The following FDFT1 variants were observed in gnomAD, a reference collection of about 807,000 sequenced individuals.
The protein encoded by FDFT1 is farnesyl-diphosphate farnesyltransferase 1, also known as squalene synthase.
FDFT1 carries 68 observed loss-of-function variants against 46.8 expected under a neutral mutation model. The observed-to-expected ratio is 1.45, with a 90% CI of 1.19 to 1.78. FDFT1 has a LOEUF of 1.78. Among genes scored for constraint, FDFT1 ranks in the 40% most tolerant of loss-of-function variants. The pLI is 0.00. For missense variants in FDFT1, 928 were observed against 524.4 expected (o/e 1.77, Z -7.52); for synonymous variants, 351 against 185.1 (o/e 1.90, Z -7.28).
At chr8:11,831,347 G>T (rs1260682473) in intron 6 of FDFT1, among the ~76,000 whole-genome samples, 171 bp from the exon 7 acceptor site, 1 of 152,198 alleles carries the variant, frequency 6.6e-6, no homozygotes, top group African/African-American at 2.4e-5. Flanking sequence ...AGTGGGGAAG[G>T]TAAAAATCTT....
At chr8:11,825,973 A>T in intron 4 of FDFT1, 51 bp from the exon 5 acceptor site, 1 of 1,362,182 alleles carries the variant, frequency 7.3e-7, no homozygotes, top group Non-Finnish European at 1.0e-6. Flanking sequence ...TAGTGTGTCC[A>T]TTTCAGTAAA....
At chr8:11,802,461 C>G (rs773331361), upstream of FDFT1, 3 of 467,538 alleles carry the variant, frequency 6.4e-6, no homozygotes, top group South Asian at 1.5e-5. Flanking sequence ...CCGGGGTAAG[C>G]GGAAGAAAAC....
At chr8:11,807,088 C>G (rs1806950344) in intron 1 of FDFT1, among the ~76,000 whole-genome samples, 1 of 110,014 alleles carries the variant, frequency 9.1e-6, no homozygotes, top group Admixed American at 1.0e-4. Flanking sequence ...TGTTACCATT[C>G]TGAAGTGACT....
chr8:11,809,050 C>T (rs748703754), intron 2 of FDFT1, 159 bp downstream of exon 2: 207 of 1,342,518 alleles, frequency 1.5e-4, no homozygotes, highest in Non-Finnish European at 2.0e-4. Context: ...TTTAGAAAGC[C>T]CTTCCAGGCT....
intron 3 of FDFT1, among the ~76,000 whole-genome samples, chr8:11,818,155 A>T (rs899815729): frequency 6.6e-6 from 1 of 152,160 alleles, no homozygotes; most frequent in Admixed American, 6.5e-5. Flanking sequence ...TTCAGTTTCC[A>T]TGTAGATGTG....
chr8:11,797,603 A>G (rs1358798411), upstream of FDFT1, among the ~76,000 whole-genome samples: 2 of 148,042 alleles, frequency 1.4e-5, no homozygotes, highest in East Asian at 2.0e-4. Flanking sequence ...GCCAGCCTGG[A>G]CAACATAAGA....
chr8:11,805,109 G>A (rs1806662156), intron 1 of FDFT1, among the ~76,000 whole-genome samples: 1 of 151,494 alleles, frequency 6.6e-6, no homozygotes, highest in South Asian at 2.1e-4. Flanking sequence ...TAGACACAAT[G>A]TCTCGCTGCA....
intron 7 of FDFT1, among the ~76,000 whole-genome samples, chr8:11,832,383 C>G (rs1205707781): frequency 6.6e-6 from 1 of 151,268 alleles, no homozygotes; most frequent in African/African-American, 2.4e-5. Context: ...AGCAAGACCC[C>G]ATTTCTACAA....
At chr8:11,803,383 TC>T (rs1806394787) in intron 1 of FDFT1, 3 of 1,289,664 alleles carry the variant, frequency 2.3e-6, no homozygotes, top group African/African-American at 3.0e-5. Flanking sequence ...CACCACCTCT[TC>T]CGGAGCTCTC....
chr8:11,834,740 C>T (rs1811309396), intron 7 of FDFT1, among the ~76,000 whole-genome samples: 1 of 152,174 alleles, frequency 6.6e-6, no homozygotes, highest in Non-Finnish European at 1.5e-5. Context: ...GTGGAAGTAC[C>T]ACATGGACTC....
chr8:11,808,928 A>AGCT (rs747762162), intron 2 of FDFT1, 37 bp downstream of exon 2: 259 of 1,602,286 alleles, frequency 1.6e-4, no homozygotes, highest in Middle Eastern at 1.3e-3. Flanking sequence ...CTTGGAGGAA[A>AGCT]GCTTGTCCGG....
Position 11,838,887 on chromosome 8 carries a change from CT to C in FDFT1, c.*279del, listed in dbSNP as rs1811946100. 2.3e-6 allele frequency: 1 copy of C among 441,412 alleles called. No homozygotes were observed. Among genetic ancestry groups the C allele is most frequent in the East Asian group, 4.7e-5 (1 of 21,338 alleles). The allele number at this position is 441,412 out of a possible 1,614,324, so 27.3% of individuals were successfully genotyped here. A position where few individuals can be genotyped will look rare whatever the true frequency, so the allele number is the denominator to read the frequency against. The stretch of plus-strand genomic sequence containing the variant: ...CAGTGCCACGGTTTAGGTGAAGTCG[CT>C]GCATATGTGACTGTCATGAGATCCT... On this transcript the variant is annotated 3_prime_UTR_variant, in exon 8 of 8. Coordinates refer to ENST00000220584, the MANE Select transcript of FDFT1 (RefSeq NM_004462.5).
At chr8:11,806,926 CTAA>C (rs1242700797) in intron 1 of FDFT1, among the ~76,000 whole-genome samples, 1 of 152,052 alleles carries the variant, frequency 6.6e-6, no homozygotes, top group Non-Finnish European at 1.5e-5. Context: ...CTTGTTTTTA[CTAA>C]TATTTTTTAT....
rs141543702 is a variant in FDFT1, at chr8:11,815,089, A to C, written c.381+5239A>C. Among the ~76,000 whole-genome samples, 118 of 151,746 alleles carry C rather than the reference A, an allele frequency of 7.8e-4. 2 individuals are homozygous for C. The East Asian group carries it at 0.016, about 20-fold the overall frequency. ...TGTGTCCATGTGTTCTCATTGTTCA[A>C]CTCCCACTTAGGAGTGAGAACATGT... is the stretch of plus-strand genomic sequence containing the variant. On this transcript the variant is annotated intron_variant, in intron 3 of 7. Transcript: ENST00000220584.
At position 11,802,773 on chromosome 8, in the gene FDFT1, T is replaced by A; in HGVS notation, c.-60T>A. On this transcript the variant is annotated 5_prime_UTR_variant, in exon 1 of 8. Coordinates refer to ENST00000220584, the MANE Select transcript of FDFT1 (RefSeq NM_004462.5). ...CTACTCCACAGGTCCAGCCGGCCGG[T>A]GAGCGCCTGGGGACCGCAGAGGTGA... 1 of 1,375,202 alleles carries A rather than the reference T, an allele frequency of 7.3e-7. No homozygotes were observed. Among genetic ancestry groups the A allele is most frequent in the South Asian group, 1.2e-5 (1 of 81,868 alleles). 85.2% of individuals were successfully genotyped at this position (1,375,202 alleles called of 1,614,324 possible).
intron 3 of FDFT1, 174 bp downstream of exon 3, chr8:11,810,024 G>C (rs902248393): frequency 1.4e-4 from 74 of 547,506 alleles, no homozygotes; most frequent in Middle Eastern, 9.7e-4. Context: ...GCCTGGGTTG[G>C]AATCTCAAAT....
chr8:11,820,166 G>T (rs1440419971), intron 3 of FDFT1, among the ~76,000 whole-genome samples: 1 of 152,196 alleles, frequency 6.6e-6, no homozygotes, highest in African/African-American at 2.4e-5. Flanking sequence ...GGTATCACCA[G>T]TGGAGGCTGC....
At chr8:11,810,583 T>TAGCTA (rs1321428338) in intron 3 of FDFT1, among the ~76,000 whole-genome samples, 11 of 152,190 alleles carry the variant, frequency 7.2e-5, no homozygotes, top group African/African-American at 2.4e-4. Flanking sequence ...TTTGGTCTAT[T>TAGCTA]TTGTTGGAGT....
intron 3 of FDFT1, among the ~76,000 whole-genome samples, chr8:11,821,219 CTTTGAATCTTCT>C (rs909735337): frequency 2.6e-5 from 4 of 152,234 alleles, no homozygotes; most frequent in Non-Finnish European, 4.4e-5. Context: ...TGTAGTGAGA[CTTTGAATCTTCT>C]TTTGAATCTA....
Sources: gnomAD v4.1 joint callset for allele counts (sites outside exome capture counted in the v4.1 genomes callset) on GRCh38, gnomAD v4.1.1 for gene constraint, MANE v1.5 for transcripts, NCBI Gene and HGNC (gene_info 2026-07-23, HGNC 2026-07-21) for gene names.